Variants in PDE5A observed in about 807,000 individuals in gnomAD.
PDE5A encodes the protein phosphodiesterase 5A.
PDE5A carries 67 observed loss-of-function variants against 110.2 expected under a neutral mutation model. The ratio of observed to expected loss-of-function variants is 0.61; its 90% CI spans 0.50 to 0.75. The LOEUF is 0.75. Ranked by LOEUF, PDE5A falls within the 30% of genes least tolerant of loss-of-function variation. The pLI is 0.00. For synonymous variants in PDE5A, 328 were observed against 351.2 expected (o/e 0.93, Z 0.74); for missense variants, 862 against 1,045.1 (o/e 0.82, Z 2.42).
chr4:119,537,076 A>C (rs760131863), intron 11 of PDE5A, among the ~76,000 whole-genome samples: 5 of 152,116 alleles, frequency 3.3e-5, no homozygotes, highest in African/African-American at 1.2e-4. Flanking sequence ...GCCCTCTTCA[A>C]GGTCCTTATC....
rs749281264 is a variant in PDE5A at position 119,498,521 on chromosome 4, TACAG to T, written c.*76_*79del. On this transcript the variant is annotated 3_prime_UTR_variant, in exon 21 of 21. Coordinates refer to ENST00000354960, the MANE Select transcript of PDE5A (RefSeq NM_001083.4). ...AAGTATATACCAAATACAGACACTA[TACAG>T]ACAGTGTGTAAGAAACTAGGCATAT... 2.6e-5 allele frequency: 39 copies of T among 1,515,068 alleles called. No homozygotes were observed. The highest frequency in any genetic ancestry group is 3.3e-5 in the Non-Finnish European group (36 of 1,097,912). The allele number at this position is 1,515,068 out of a possible 1,614,324, so 93.9% of individuals were successfully genotyped here. A position where few individuals can be genotyped will look rare whatever the true frequency, so the allele number is the denominator to read the frequency against.
chr4:119,609,633 T>C (rs1007932755), intron 1 of PDE5A, among the ~76,000 whole-genome samples: 2 of 152,148 alleles, frequency 1.3e-5, no homozygotes, highest in African/African-American at 4.8e-5. Context: ...ATTACCCCCC[T>C]TATAATTTCA....
chr4:119,574,267 C>CTGG (rs760279646), intron 3 of PDE5A, among the ~76,000 whole-genome samples: 16 of 145,806 alleles, frequency 1.1e-4, no homozygotes, highest in Non-Finnish European at 1.9e-4. Flanking sequence ...ACTGCAACCT[C>CTGG]TGGCTCCCGG....
intron 11 of PDE5A, among the ~76,000 whole-genome samples, chr4:119,529,797 G>A (rs1004674601): frequency 6.6e-5 from 10 of 152,206 alleles, no homozygotes; most frequent in East Asian, 1.9e-4. Flanking sequence ...ATTTTGCAAC[G>A]AAAGCATGTG....
intron 14 of PDE5A, among the ~76,000 whole-genome samples, chr4:119,516,269 A>G (rs941630075): frequency 2.0e-5 from 3 of 152,218 alleles, no homozygotes; most frequent in African/African-American, 4.8e-5. Context: ...AGTGATCACT[A>G]TTACTTCATG....
chr4:119,613,536 G>A (rs938616109), intron 1 of PDE5A, among the ~76,000 whole-genome samples: 1 of 152,034 alleles, frequency 6.6e-6, no homozygotes, highest in African/African-American at 2.4e-5. Context: ...CATATTGGAT[G>A]TTTCTGGCAT....
At chr4:119,504,283 G>A (rs1725479623) in intron 18 of PDE5A, among the ~76,000 whole-genome samples, 2 of 152,040 alleles carry the variant, frequency 1.3e-5, no homozygotes. Context: ...GACATGACTT[G>A]ATTCTTTTTA....
At chr4:119,508,112 AAATC>A (rs1413769903) in intron 15 of PDE5A, among the ~76,000 whole-genome samples, 2 of 152,136 alleles carry the variant, frequency 1.3e-5, no homozygotes, top group African/African-American at 4.8e-5. Context: ...CATTTTAAAT[AAATC>A]CAGTAACATT....
At chr4:119,598,618 A>G (rs1440007008) in intron 2 of PDE5A, among the ~76,000 whole-genome samples, 2 of 152,328 alleles carry the variant, frequency 1.3e-5, no homozygotes, top group African/African-American at 4.8e-5. Flanking sequence ...GAAGACATCT[A>G]TAAGACTAGA....
At chr4:119,587,661 G>GCACCCCAA (rs1196598647) in intron 3 of PDE5A, among the ~76,000 whole-genome samples, 1 of 152,190 alleles carries the variant, frequency 6.6e-6, no homozygotes, top group African/African-American at 2.4e-5. Context: ...TGGGATTACA[G>GCACCCCAA]GTGTGAGCCA....
At chr4:119,513,034 A>G (rs999936630) in intron 14 of PDE5A, 1 of 152,046 alleles carries the variant, frequency 6.6e-6, no homozygotes, top group African/African-American at 2.4e-5. Flanking sequence ...TGTGCAGGGC[A>G]TGCCCATTTA....
Position 119,498,288 on chromosome 4 carries a change from A to G in PDE5A, c.*313T>C, listed in dbSNP as rs202221042. The G allele has an allele frequency of 3.2e-5, 7 of 215,616 alleles. No homozygotes were observed. The highest frequency in any genetic ancestry group is 5.5e-5 in the Non-Finnish European group (6 of 109,894). The allele number at this position is 215,616 out of a possible 1,614,324, so 13.4% of individuals were successfully genotyped here. On this transcript the variant is annotated 3_prime_UTR_variant, in exon 21 of 21. Coordinates refer to ENST00000354960, the MANE Select transcript of PDE5A (RefSeq NM_001083.4). ...ATTATTTAAAATAATCCCCAAGCAA[A>G]AAAACCTCAGTGCAAGAATACTGCA...
chr4:119,612,345 C>T (rs1158171460), intron 1 of PDE5A, among the ~76,000 whole-genome samples: 2 of 152,112 alleles, frequency 1.3e-5, no homozygotes, highest in Admixed American at 6.6e-5. Flanking sequence ...GAGTTCATGG[C>T]CTTGTTTAAA....
chr4:119,554,326 TTAAGA>T (rs1727464621), intron 7 of PDE5A, among the ~76,000 whole-genome samples: 2 of 152,172 alleles, frequency 1.3e-5, no homozygotes, highest in East Asian at 3.8e-4. Flanking sequence ...TTGAGATGCT[TTAAGA>T]TACTTTTAAA....
In PDE5A at chr4:119,539,034, A is replaced by G. The variant is rs199618745; in HGVS notation, c.1573-15T>C. ...TACGACAGAACCTACAGGGTAGGAA[A>G]AGAAGTCCAGGTTACACAGGAGAGA... On this transcript the variant is annotated splice_polypyrimidine_tract_variant and intron_variant, in intron 10 of 20. Coordinates refer to ENST00000354960, the MANE Select transcript of PDE5A (RefSeq NM_001083.4). 78 of 1,607,952 alleles carry G rather than the reference A, an allele frequency of 4.9e-5. No homozygotes were observed. In the Admixed American group the frequency reaches 1.3e-3, roughly 27 times the overall value.
chr4:119,595,108 T>A (rs1028715664), intron 3 of PDE5A, among the ~76,000 whole-genome samples: 5 of 152,120 alleles, frequency 3.3e-5, no homozygotes, highest in Non-Finnish European at 7.4e-5. Context: ...TCATGGTGCA[T>A]GCAGGTAGCA....
At chr4:119,597,683 G>A (rs1171292931) in intron 2 of PDE5A, among the ~76,000 whole-genome samples, 2 of 151,898 alleles carry the variant, frequency 1.3e-5, no homozygotes, top group Non-Finnish European at 2.9e-5. Context: ...TATCCACACT[G>A]GAAAAGCTCA....
intron 12 of PDE5A, among the ~76,000 whole-genome samples, chr4:119,522,325 A>G (rs1726156336): frequency 6.6e-6 from 1 of 152,000 alleles, no homozygotes; most frequent in Non-Finnish European, 1.5e-5. Context: ...TTCTTACACC[A>G]TTTTTTCATA....
intron 1 of PDE5A, 22 bp from the exon 2 acceptor site, chr4:119,607,319 C>A (rs745560334): frequency 6.7e-7 from 1 of 1,500,686 alleles, no homozygotes; most frequent in Non-Finnish European, 9.2e-7. Flanking sequence ...AACGTGCAGA[C>A]ACATTAGATA....
Sources: gnomAD v4.1 joint callset for allele counts (sites outside exome capture counted in the v4.1 genomes callset) on GRCh38, gnomAD v4.1.1 for gene constraint, MANE v1.5 for transcripts, NCBI Gene and HGNC (gene_info 2026-07-23, HGNC 2026-07-21) for gene names.